AKR1B15: variants seen among roughly 807,000 people sequenced by gnomAD.
AKR1B15 encodes estradiol 17-beta-dehydrogenase AKR1B15.
AKR1B15 carries 49 observed loss-of-function variants against 38.5 expected under a neutral mutation model. The ratio of observed to expected loss-of-function variants is 1.27; its 90% CI spans 1.01 to 1.62. AKR1B15 has a LOEUF of 1.62. Ranked by LOEUF, AKR1B15 falls within the 40% of genes most tolerant of loss-of-function variation. The pLI is 0.00. For missense variants in AKR1B15, 411 were observed against 381.6 expected (o/e 1.08, Z -0.64); for synonymous variants, 137 against 135.5 (o/e 1.01, Z -0.08).
intron 11 of AKR1B15, among the ~76,000 whole-genome samples, 189 bp from the exon 12 acceptor site, chr7:134,579,318 T>G (rs890518661): frequency 1.3e-5 from 2 of 152,132 alleles, no homozygotes; most frequent in Admixed American, 6.5e-5. Flanking sequence ...CTGTCTGCCC[T>G]CCTTCCTAGC....
intron 4 of AKR1B15, among the ~76,000 whole-genome samples, chr7:134,568,963 C>A (rs1287596166): frequency 6.6e-6 from 1 of 151,940 alleles, no homozygotes; most frequent in Non-Finnish European, 1.5e-5. Flanking sequence ...CTGGATAAAG[C>A]CCTTTTAAAG....
Position 134,564,682 on chromosome 7 carries a change from C to T in AKR1B15, c.63C>T (p.Asp21=). The T allele has an allele frequency of 1.4e-6, 1 of 699,754 alleles. No homozygotes were observed. The highest frequency in any genetic ancestry group is 2.6e-6 in the Non-Finnish European group (1 of 384,294). The allele number at this position is 699,754 out of a possible 1,614,324, so 43.3% of individuals were successfully genotyped here. The change falls in exon 3 of 12, where the codon GAC becomes GAT. Residue 21 remains aspartate (D), a synonymous_variant. Transcript: ENST00000457545. ...ACAACTTCCACCAAGGACCCCTGGA[C>T]CAACCCGTTGGCCCTTTGACTGGCC... ...STNNFHQGPL[D]QPVGPLTGLK...
Position 134,571,682 on chromosome 7 carries a change from G to T in AKR1B15, c.513+1G>T, listed in dbSNP as rs754708354. 5 of 1,612,526 alleles carry T rather than the reference G, an allele frequency of 3.1e-6. No individual in the cohort carries two copies. In the East Asian group the frequency reaches 6.7e-5, roughly 22 times the overall value. On this transcript the variant is annotated splice_donor_variant, in intron 6 of 11. Transcript: ENST00000457545. LOFTEE classifies it high-confidence loss of function. The stretch of plus-strand genomic sequence containing the variant: ...AGGAACGTTCTTGGATGCCTGGGAG[G>T]TAGGTTCCAGCTTTGTCTAAGTGTG...
In AKR1B15 at chr7:134,575,876, A is replaced by C. The variant is rs752388870; in HGVS notation, c.692A>C (p.Lys231Thr). The C allele has an allele frequency of 1.2e-6, 2 of 1,613,798 alleles. No homozygotes were observed. Among genetic ancestry groups the C allele is most frequent in the East Asian group, 4.5e-5 (2 of 44,832 alleles). The change falls in exon 8 of 12, where the codon AAG (lysine) becomes ACG (threonine). Residue 231 changes from lysine (K) to threonine (T), a missense_variant. Around this residue, in one of 3 missense-constraint regions of AKR1B15, gnomAD observed 24 missense variants for 48.9 expected, o/e 0.49. Transcript: ENST00000457545. ...AAACTGATCCAGTACTGCCACTCCA[A>C]GGGCATCACCGTTACGGCCTACAGC... ...QEKLIQYCHS[K>T]GITVTAYSPL...
At chr7:134,575,039 T>G (rs1320630957) in intron 6 of AKR1B15, among the ~76,000 whole-genome samples, 1 of 152,372 alleles carries the variant, frequency 6.6e-6, no homozygotes, top group South Asian at 2.1e-4. Flanking sequence ...CTGCTATCAT[T>G]TGGATTCATT....
chr7:134,553,399 G>A (rs1794062719), intron 1 of AKR1B15, among the ~76,000 whole-genome samples: 1 of 152,126 alleles, frequency 6.6e-6, no homozygotes, highest in African/African-American at 2.4e-5. Flanking sequence ...GAAAACCAAG[G>A]AGTCGCTAAA....
rs756743854 is a variant in AKR1B15, at chr7:134,575,429, G to T, written c.523G>T (p.Glu175Ter). The change falls in exon 7 of 12, where the codon GAG becomes TAG. Residue 175 changes from glutamate (E) to a stop codon, truncating the protein, a stop_gained. Coordinates refer to ENST00000457545, the MANE Select transcript of AKR1B15 (RefSeq NM_001080538.3). LOFTEE classifies it high-confidence loss of function. ...TFLDAWEAME[E>*]LVDEGLVKAL... Reference sequence around the variant, plus strand: ...TTCCTTTCTATGATAGGCCATGGAGGAGCTGGTGGACGAGGGGCTGGTGAA... The same window carrying T: ...TTCCTTTCTATGATAGGCCATGGAGTAGCTGGTGGACGAGGGGCTGGTGAA... 1.7e-5 allele frequency: 27 copies of T among 1,613,684 alleles called. No homozygotes were observed. The highest frequency in any genetic ancestry group is 2.2e-5 in the Non-Finnish European group (26 of 1,179,804).
rs1022014322 is a variant in AKR1B15 at position 134,553,997 on chromosome 7, T to G, written c.-146-2739T>G. On this transcript the variant is annotated intron_variant, in intron 1 of 11. Coordinates refer to ENST00000457545, the MANE Select transcript of AKR1B15 (RefSeq NM_001080538.3). ...CCCTGACTCAGGCCCTCCAATAGGGTAAAGACAAATGTATTAACATCTACA... is the reference window on the plus strand; with the variant it reads ...CCCTGACTCAGGCCCTCCAATAGGGGAAAGACAAATGTATTAACATCTACA... Among the ~76,000 whole-genome samples the G allele has an allele frequency of 2.6e-5, 4 of 152,168 alleles. No homozygotes were observed. In the South Asian group the frequency reaches 8.3e-4, roughly 32 times the overall value.
intron 1 of AKR1B15, among the ~76,000 whole-genome samples, chr7:134,554,204 C>T (rs1052662306): frequency 1.3e-4 from 20 of 152,198 alleles, no homozygotes; most frequent in Non-Finnish European, 7.3e-5. Context: ...AAAGAGAAGA[C>T]ATGGCCATTG....
chr7:134,558,081 G>C (rs796344475), intron 2 of AKR1B15, among the ~76,000 whole-genome samples: 3 of 152,300 alleles, frequency 2.0e-5, no homozygotes, highest in African/African-American at 7.2e-5. Flanking sequence ...GGGAAGTCTT[G>C]TCTCAATTAC....
At chr7:134,574,528 T>C (rs1381235268) in intron 6 of AKR1B15, among the ~76,000 whole-genome samples, 1 of 152,220 alleles carries the variant, frequency 6.6e-6, no homozygotes, top group Non-Finnish European at 1.5e-5. Context: ...TCATGATTGA[T>C]GGCTCCATAG....
chr7:134,560,698 ACT>A (rs1028205069), intron 2 of AKR1B15, among the ~76,000 whole-genome samples: 5 of 152,130 alleles, frequency 3.3e-5, no homozygotes, highest in South Asian at 2.1e-4. Context: ...CAAACAAAAG[ACT>A]CTGACAAATA....
chr7:134,566,723 T>TA (rs1383502601), intron 3 of AKR1B15, among the ~76,000 whole-genome samples: 1 of 152,104 alleles, frequency 6.6e-6, no homozygotes, highest in Non-Finnish European at 1.5e-5. Context: ...GCACACTGAC[T>TA]TTTTTCCCTC....
intron 3 of AKR1B15, among the ~76,000 whole-genome samples, chr7:134,567,404 C>T (rs60204677): frequency 0.073 from 11,043 of 152,120 alleles, 653 homozygotes; most frequent in East Asian, 0.3. Context: ...AACTCTATTC[C>T]TATAAGCTTC....
At chr7:134,570,749 C>T (rs967030175) in intron 5 of AKR1B15, among the ~76,000 whole-genome samples, 10 of 152,056 alleles carry the variant, frequency 6.6e-5, no homozygotes, top group Non-Finnish European at 2.9e-5. Flanking sequence ...GGCAGGTGGT[C>T]AGGAAGAGAC....
At chr7:134,559,451 C>A (rs2117630601) in intron 2 of AKR1B15, among the ~76,000 whole-genome samples, 1 of 152,256 alleles carries the variant, frequency 6.6e-6, no homozygotes, top group East Asian at 1.9e-4. Flanking sequence ...AAATTGTAAG[C>A]CATGACACTG....
intron 11 of AKR1B15, 94 bp from the exon 12 acceptor site, chr7:134,579,413 A>G: frequency 8.9e-7 from 1 of 1,118,668 alleles, no homozygotes; most frequent in Non-Finnish European, 1.2e-6. Context: ...GAGACCACAA[A>G]TACCACAGAG....
chr7:134,565,434 G>A (rs759120715), intron 3 of AKR1B15: 8 of 1,611,650 alleles, frequency 5.0e-6, no homozygotes, highest in Non-Finnish European at 8.5e-7. Context: ...GACACAGCAG[G>A]ACGTGAGACT....
Position 134,575,461 on chromosome 7 carries a change from TG to T in AKR1B15, c.559del (p.Val187SerfsTer13), listed in dbSNP as rs1267681030. Reference protein sequence around the residue: ...LVDEGLVKALGVSNFNHFQIE... With the variant: ...LVDEGLVKALXVSNFNHFQIE... ...TGGACGAGGGGCTGGTGAAAGCCCT[TG>T]GGGTCTCAAATTTCAACCACTTCCA... On this transcript the variant is annotated frameshift_variant, in exon 7 of 12. Transcript: ENST00000457545. LOFTEE classifies it high-confidence loss of function. 2 of 1,613,748 alleles carry T rather than the reference TG, an allele frequency of 1.2e-6. No individual in the cohort carries two copies. The highest frequency in any genetic ancestry group is 2.2e-5 in the East Asian group (1 of 44,870).
Sources: gnomAD v4.1 joint callset for allele counts (sites outside exome capture counted in the v4.1 genomes callset) on GRCh38, gnomAD v4.1.1 for gene constraint, gnomAD v4.1.1 regional missense constraint, MANE v1.5 for transcripts, NCBI Gene and HGNC (gene_info 2026-07-23, HGNC 2026-07-21) for gene names.